SGPL1: variants seen among roughly 807,000 people sequenced by gnomAD.
SGPL1 encodes sphingosine-1-phosphate lyase 1.
SGPL1 carries 37 observed loss-of-function variants against 68.9 expected under a neutral mutation model. The observed-to-expected ratio is 0.54, with a 90% confidence interval of 0.41 to 0.71. SGPL1 has a LOEUF of 0.71. Ranked by LOEUF, SGPL1 falls within the 30% of genes least tolerant of loss-of-function variation. The pLI, the probability that SGPL1 is intolerant of heterozygous loss-of-function variation, is 0.00. For synonymous variants in SGPL1, 236 were observed against 248.5 expected, an observed-to-expected ratio of 0.95 and a Z score of 0.47; for missense variants, 551 against 704.6, an observed-to-expected ratio of 0.78 and a Z score of 2.47.
intron 4 of SGPL1, among the ~76,000 whole-genome samples, chr10:70,851,460 C>T (rs114086606): frequency 6.6e-6 from 1 of 151,782 alleles, no homozygotes; most frequent in African/African-American, 2.4e-5. Context: ...GGCAGCCCCC[C>T]CCCACCCACC....
chr10:70,847,470 TACAAA>T (rs1295921741), intron 3 of SGPL1, among the ~76,000 whole-genome samples: 1 of 152,116 alleles, frequency 6.6e-6, no homozygotes, highest in East Asian at 1.9e-4. Context: ...TTTCTAAAGA[TACAAA>T]ACAAAAGCAG....
intron 9 of SGPL1, 75 bp downstream of exon 9, chr10:70,869,972 T>C: frequency 4.2e-6 from 5 of 1,177,784 alleles, no homozygotes; most frequent in Non-Finnish European, 6.3e-6. Context: ...ACTAGCCGTT[T>C]CCAGTCAGAT....
intron 12 of SGPL1, 115 bp downstream of exon 12, chr10:70,873,704 T>C: frequency 2.6e-6 from 2 of 780,440 alleles, no homozygotes; most frequent in Non-Finnish European, 4.4e-6. Context: ...TCTCCTGCGA[T>C]ATAGAGGGCT....
Position 70,859,325 on chromosome 10 carries a change from A to G in SGPL1, c.487-46A>G, listed in dbSNP as rs756195802. On this transcript the variant is annotated intron_variant, in intron 6 of 14. Transcript: ENST00000373202. ...TTTAGTGCATGATTCTTTGTCCTGT[A>G]TAGTGTAATAGTTTTGATTTCACAT... 7 of 1,328,850 alleles carry G rather than the reference A, an allele frequency of 5.3e-6. No homozygotes were observed. The East Asian group carries it at 1.2e-4, about 22-fold the overall frequency. 82.3% of individuals were successfully genotyped at this position (1,328,850 alleles called of 1,614,324 possible).
intron 11 of SGPL1, 105 bp downstream of exon 11, chr10:70,872,091 C>T: frequency 8.8e-7 from 1 of 1,134,754 alleles, no homozygotes; most frequent in Non-Finnish European, 1.2e-6. Flanking sequence ...CTATAGAATT[C>T]TCATCAGATG....
intron 3 of SGPL1, among the ~76,000 whole-genome samples, chr10:70,844,884 C>G (rs554744152): frequency 6.6e-6 from 1 of 152,172 alleles, no homozygotes; most frequent in Non-Finnish European, 1.5e-5. Flanking sequence ...GGACTACAGG[C>G]ACACGCCACC....
chr10:70,831,298 A>G (rs1845531488), intron 2 of SGPL1, among the ~76,000 whole-genome samples: 1 of 152,156 alleles, frequency 6.6e-6, no homozygotes. Context: ...TCCAAGAAGC[A>G]GACATCACTG....
At chr10:70,836,948 A>G (rs1845636177) in intron 2 of SGPL1, among the ~76,000 whole-genome samples, 1 of 152,172 alleles carries the variant, frequency 6.6e-6, no homozygotes, top group African/African-American at 2.4e-5. Context: ...ATAAAATAAC[A>G]TGAAAGCCAT....
chr10:70,836,531 T>G (rs1252001748), intron 2 of SGPL1, among the ~76,000 whole-genome samples: 1 of 152,148 alleles, frequency 6.6e-6, no homozygotes, highest in Non-Finnish European at 1.5e-5. Flanking sequence ...TTTTCCTTTT[T>G]CTTTTCCTTC....
chr10:70,863,883 C>T (rs1846128784), intron 7 of SGPL1, among the ~76,000 whole-genome samples: 1 of 152,142 alleles, frequency 6.6e-6, no homozygotes, highest in South Asian at 2.1e-4. Flanking sequence ...TTATCTTGGG[C>T]AGTCTCTAAT....
intron 7 of SGPL1, among the ~76,000 whole-genome samples, chr10:70,867,265 C>T (rs895708554): frequency 3.9e-5 from 6 of 152,064 alleles, no homozygotes; most frequent in Non-Finnish European, 8.8e-5. Flanking sequence ...TCAAGTCAGG[C>T]ATTAAGAAAT....
At chr10:70,845,777 C>T (rs1223646220) in intron 3 of SGPL1, among the ~76,000 whole-genome samples, 33 of 152,106 alleles carry the variant, frequency 2.2e-4, no homozygotes, top group Admixed American at 2.1e-3. Flanking sequence ...CTTTTCCCCA[C>T]TCTTAGTAGG....
intron 7 of SGPL1, among the ~76,000 whole-genome samples, chr10:70,865,839 T>C (rs1440439226): frequency 6.6e-6 from 1 of 152,242 alleles, no homozygotes; most frequent in South Asian, 2.1e-4. Flanking sequence ...GCTAATGTTA[T>C]CAGATCCAAA....
Position 70,859,396 on chromosome 10 carries a change from A to AC in SGPL1, c.517dup (p.Leu173ProfsTer55), listed in dbSNP as rs867880706. 1.6e-5 allele frequency: 25 copies of AC among 1,533,842 alleles called. No homozygotes were observed. The highest frequency in any genetic ancestry group is 2.0e-5 in the Admixed American group (1 of 49,134). On this transcript the variant is annotated frameshift_variant, in exon 7 of 15. Coordinates refer to ENST00000373202, the MANE Select transcript of SGPL1 (RefSeq NM_003901.4). LOFTEE classifies it high-confidence loss of function. ...GCTTATGGAGATTTTGCATGGAGTA[A>AC]CCCCCTGCATCCAGATATCTTCCCA... is the stretch of plus-strand genomic sequence containing the variant.
At chr10:70,868,124 A>G (rs568674480) in intron 7 of SGPL1, among the ~76,000 whole-genome samples, 1 of 152,350 alleles carries the variant, frequency 6.6e-6, no homozygotes, top group Non-Finnish European at 1.5e-5. Context: ...GGCAGTGCTG[A>G]GTTTCTGCTC....
intron 13 of SGPL1, 122 bp downstream of exon 13, chr10:70,875,670 G>A: frequency 1.5e-6 from 1 of 658,044 alleles, no homozygotes; most frequent in East Asian, 2.6e-5. Flanking sequence ...AGCAACTGTA[G>A]TATATAAAGG....
intron 12 of SGPL1, 51 bp downstream of exon 12, chr10:70,873,640 G>T (rs758889896): frequency 7.3e-7 from 1 of 1,374,372 alleles, no homozygotes; most frequent in Non-Finnish European, 1.0e-6. Flanking sequence ...TTTTGTCCTA[G>T]TAGGCTCAAG....
intron 2 of SGPL1, among the ~76,000 whole-genome samples, chr10:70,841,970 C>T (rs754420038): frequency 1.1e-4 from 16 of 152,186 alleles, no homozygotes; most frequent in South Asian, 4.2e-4. Flanking sequence ...TCTATACCCA[C>T]ACCCGAAAAA....
rs1260707309 is a variant in SGPL1, at chr10:70,879,344, AGCTG to A, written c.*2012_*2015del. 1.1e-4 allele frequency: 16 copies of A among 152,374 alleles called. No individual in the cohort carries two copies. The highest frequency in any genetic ancestry group is 3.4e-4 in the African/African-American group (14 of 41,356). 9.4% of individuals were successfully genotyped at this position (152,374 alleles called of 1,614,324 possible). A position where few individuals can be genotyped will look rare whatever the true frequency, so the allele number is the denominator to read the frequency against. ...TACTACTGACCCAACAACTGTGACTAGCTGGCCACGCCATTCAGGGCTGGTGTGG... is the reference window on the plus strand; with the variant it reads ...TACTACTGACCCAACAACTGTGACTAGCCACGCCATTCAGGGCTGGTGTGG... On this transcript the variant is annotated 3_prime_UTR_variant, in exon 15 of 15. Coordinates refer to ENST00000373202, the MANE Select transcript of SGPL1 (RefSeq NM_003901.4).
Sources: gnomAD v4.1 joint callset for allele counts (sites outside exome capture counted in the v4.1 genomes callset) on GRCh38, gnomAD v4.1.1 for gene constraint, MANE v1.5 for transcripts, NCBI Gene and HGNC (gene_info 2026-07-23, HGNC 2026-07-21) for gene names.